ALMS1: variants seen among roughly 807,000 people sequenced by gnomAD.
The protein encoded by ALMS1 is centrosome-associated protein ALMS1.
A neutral mutation model predicts 352.2 loss-of-function variants in ALMS1; 271 were observed. The observed-to-expected ratio is 0.77, with a 90% confidence interval of 0.70 to 0.85. The LOEUF is 0.85. Among genes scored for constraint, ALMS1 ranks in the 40% least tolerant of loss-of-function variants. The probability of loss-of-function intolerance (pLI) is 0.00; values close to 1 mark genes in which losing one functional copy is unlikely to be tolerated. For missense variants in ALMS1, 5,445 were observed against 4,870.7 expected (o/e 1.12, Z -3.51); for synonymous variants, 1,865 against 1,761.2 (o/e 1.06, Z -1.48).
intron 1 of ALMS1, among the ~76,000 whole-genome samples, chr2:73,394,310 CTG>C (rs1388456687): frequency 6.6e-6 from 1 of 152,110 alleles, no homozygotes; most frequent in East Asian, 1.9e-4. Flanking sequence ...TGTGATGAAT[CTG>C]TAGATCAATT....
chr2:73,490,897 A>G lies in ALMS1; in HGVS notation c.8938A>G (p.Met2980Val). ...CAAAGCGCCAGGTGTAGATGACCAA[A>G]TGAATAAACACCATTTTCCCCTTCC... ...QSKAPGVDDQ[M>V]NKHHFPLPQG... The change falls in exon 10 of 23, where the codon ATG becomes GTG. Residue 2980 changes from methionine (M) to valine (V), a missense_variant. Transcript: ENST00000613296. 1 of 1,613,844 alleles carries G rather than the reference A, an allele frequency of 6.2e-7. No homozygotes were observed. The highest frequency in any genetic ancestry group is 8.5e-7 in the Non-Finnish European group (1 of 1,179,926).
In ALMS1 at chr2:73,490,216, C is replaced by T. The variant is rs200718841; in HGVS notation, c.8257C>T (p.His2753Tyr). 3.7e-6 allele frequency: 6 copies of T among 1,614,158 alleles called. No homozygotes were observed. Among genetic ancestry groups the T allele is most frequent in the East Asian group, 2.2e-5 (1 of 44,874 alleles). Residue 2753 changes from histidine to tyrosine, a missense_variant, in exon 10 of 23, where the codon CAT becomes TAT. Coordinates refer to ENST00000613296, the MANE Select transcript of ALMS1 (RefSeq NM_001378454.1). ...AGCATCTGTGGGGGTATTTAATTCT[C>T]ATTTCACTGAAGAACAAAATCCTCC... ...TGASVGVFNS[H>Y]FTEEQNPPRD...
chr2:73,397,550 C>T (rs1670788218), intron 1 of ALMS1, among the ~76,000 whole-genome samples: 1 of 152,108 alleles, frequency 6.6e-6, no homozygotes, highest in Non-Finnish European at 1.5e-5. Context: ...TCACTGCAAC[C>T]TCTGCCTCCC....
chr2:73,543,031 G>C (rs1171481036), intron 12 of ALMS1, among the ~76,000 whole-genome samples: 1 of 151,894 alleles, frequency 6.6e-6, no homozygotes, highest in Non-Finnish European at 1.5e-5. Context: ...AGTTCATATG[G>C]AACAAAAAAA....
Position 73,602,312 on chromosome 2 carries a change from A to C in ALMS1, c.12242A>C (p.Asn4081Thr), listed in dbSNP as rs1412048433. ...MLQTERDALFNIDRERQGHQN... is the reference protein window; with the variant it reads ...MLQTERDALFTIDRERQGHQN... The stretch of plus-strand genomic sequence containing the variant: ...CAGACCGAGCGGGATGCACTATTCA[A>C]CATTGACAGGGAACGGCAGGGCCAC... Residue 4081 changes from asparagine to threonine, a missense_variant, in exon 20 of 23, where the codon AAC (asparagine) becomes ACC (threonine). Coordinates refer to ENST00000613296, the MANE Select transcript of ALMS1 (RefSeq NM_001378454.1). 6.2e-7 allele frequency: 1 copy of C among 1,614,242 alleles called. No homozygotes were observed. The highest frequency in any genetic ancestry group is 8.5e-7 in the Non-Finnish European group (1 of 1,180,034).
At chr2:73,584,004 C>A (rs1242401442) in intron 16 of ALMS1, among the ~76,000 whole-genome samples, 1 of 152,066 alleles carries the variant, frequency 6.6e-6, no homozygotes, top group Non-Finnish European at 1.5e-5. Context: ...TATTTCCAAT[C>A]TTTTTTGTTG....
In ALMS1 at chr2:73,448,704, A is replaced by C. The variant is rs1412531766; in HGVS notation, c.2177A>C (p.Tyr726Ser). The C allele has an allele frequency of 1.2e-6, 2 of 1,604,604 alleles. No homozygotes were observed. Among genetic ancestry groups the C allele is most frequent in the Admixed American group, 1.7e-5 (1 of 59,102 alleles). Residue 726 changes from tyrosine to serine, a missense_variant, in exon 8 of 23, where the codon TAC becomes TCC. Tyr to Ser is a moderately radical substitution (Grantham distance 144). Coordinates refer to ENST00000613296, the MANE Select transcript of ALMS1 (RefSeq NM_001378454.1). ...CATAGAGAGAAGCCTGGTATTTTTT[A>C]CCAACAAGAGTTCGCAGACAGTCAT... is the stretch of plus-strand genomic sequence containing the variant. ...HSHREKPGIFYQQEFADSHQT... is the reference protein window; with the variant it reads ...HSHREKPGIFSQQEFADSHQT...
At chr2:73,410,249 C>T (rs1445904863) in intron 2 of ALMS1, among the ~76,000 whole-genome samples, 3 of 151,990 alleles carry the variant, frequency 2.0e-5, no homozygotes, top group East Asian at 1.9e-4. Flanking sequence ...ATTAGCCAGG[C>T]GTGGTGGTGC....
rs1396189205 is a variant in ALMS1 at position 73,426,481 on chromosome 2, C to T, written c.1266C>T (p.Asp422=). The T allele has an allele frequency of 5.6e-6, 9 of 1,613,900 alleles. No individual in the cohort carries two copies. The highest frequency in any genetic ancestry group is 1.3e-5 in the African/African-American group (1 of 74,894). Residue 422 remains aspartate (D), a synonymous_variant, in exon 6 of 23, where the codon GAC becomes GAT. Coordinates refer to ENST00000613296, the MANE Select transcript of ALMS1 (RefSeq NM_001378454.1). ...TKGLQGKVES[D]VITLDGLNEN... is the part of the protein sequence containing the mutation. Reference sequence around the variant, plus strand: ...GCCTGCAGGGGAAGGTTGAGTCTGACGTCATTACTCTGGATGGCCTAAATG... The same window carrying T: ...GCCTGCAGGGGAAGGTTGAGTCTGATGTCATTACTCTGGATGGCCTAAATG...
In ALMS1 at chr2:73,424,553, T is replaced by C; in HGVS notation, c.888T>C (p.Ser296=). Reference sequence around the variant, plus strand: ...TAGCAAGCAGTCGCTTTAGTGTATCTCAGCACCCGCTTATAGGCAGCACAG... The same window carrying C: ...TAGCAAGCAGTCGCTTTAGTGTATCCCAGCACCCGCTTATAGGCAGCACAG... ...SDLASSRFSV[S]QHPLIGSTAV... Residue 296 remains serine, a synonymous_variant, in exon 5 of 23, where the codon TCT becomes TCC. Coordinates refer to ENST00000613296, the MANE Select transcript of ALMS1 (RefSeq NM_001378454.1). 3 of 1,613,892 alleles carry C rather than the reference T, an allele frequency of 1.9e-6. No homozygotes were observed. The highest frequency in any genetic ancestry group is 2.5e-6 in the Non-Finnish European group (3 of 1,179,944).
At chr2:73,430,327 C>T (rs1159739927) in intron 6 of ALMS1, among the ~76,000 whole-genome samples, 2 of 152,202 alleles carry the variant, frequency 1.3e-5, no homozygotes, top group Admixed American at 6.5e-5. Flanking sequence ...CCGCCCGCCT[C>T]GGCCTCCCAG....
chr2:73,447,556 A>G (rs1671832569), intron 7 of ALMS1, among the ~76,000 whole-genome samples: 1 of 152,080 alleles, frequency 6.6e-6, no homozygotes, highest in Non-Finnish European at 1.5e-5. Flanking sequence ...TGTACCAGGG[A>G]TCATGAAGTC....
chr2:73,464,758 C>A, intron 9 of ALMS1, among the ~76,000 whole-genome samples: 1 of 152,144 alleles, frequency 6.6e-6, no homozygotes, highest in South Asian at 2.1e-4. Context: ...TCTCAGGATA[C>A]AAAATCAATG....
At chr2:73,455,436 C>T (rs1334478595) in intron 9 of ALMS1, 141 bp downstream of exon 9, 1 of 1,059,928 alleles carries the variant, frequency 9.4e-7, no homozygotes, top group Admixed American at 2.1e-5. Context: ...GACAGTCTTG[C>T]TCTGTTGCCC....
chr2:73,543,815 A>G (rs1410772630), intron 12 of ALMS1, among the ~76,000 whole-genome samples: 1 of 152,220 alleles, frequency 6.6e-6, no homozygotes, highest in Non-Finnish European at 1.5e-5. Context: ...CCACAATGAG[A>G]TACCATCTTA....
intron 16 of ALMS1, among the ~76,000 whole-genome samples, chr2:73,582,650 C>G (rs937828194): frequency 1.3e-5 from 2 of 152,214 alleles, no homozygotes; most frequent in East Asian, 1.9e-4. Flanking sequence ...ACTTGTTTCA[C>G]TTAGCATAAG....
At chr2:73,454,510 AT>A (rs762981719) in intron 8 of ALMS1, 1 of 313,758 alleles carries the variant, frequency 3.2e-6, no homozygotes, top group Non-Finnish European at 4.6e-6. Flanking sequence ...AAAACTACAT[AT>A]ATTTTCTCTT....
rs576508902 is a variant in ALMS1 at position 73,579,997 on chromosome 2, A to T, written c.11547+6573A>T. ...CCCTTTCTTTCTCTCTTCTTTTGGG[A>T]TTCCTAATATGCATCTGTTGGTAAG... On this transcript the variant is annotated intron_variant, in intron 16 of 22. Transcript: ENST00000613296. 2.6e-5 allele frequency among the ~76,000 whole-genome samples: 4 copies of T among 151,896 alleles called. No individual in the cohort carries two copies. In the East Asian group the frequency reaches 7.7e-4, roughly 29 times the overall value.
At chr2:73,500,542 C>G (rs138326308) in intron 10 of ALMS1, among the ~76,000 whole-genome samples, 27 of 152,184 alleles carry the variant, frequency 1.8e-4, no homozygotes, top group African/African-American at 5.5e-4. Flanking sequence ...CTGCTTGTAC[C>G]ATTGCCACCA....
Sources: allele counts gnomAD v4.1 joint callset (sites outside exome capture counted in the v4.1 genomes callset), GRCh38; gene constraint gnomAD v4.1.1; transcripts MANE v1.5; gene names NCBI Gene and HGNC (gene_info 2026-07-23, HGNC 2026-07-21).